The following FGFR4 variants were observed in gnomAD, a reference collection of about 807,000 sequenced individuals.
The protein encoded by FGFR4 is hydroxyaryl-protein kinase.
Under a neutral mutation model 89.9 loss-of-function variants are expected in FGFR4, and 63 were observed. The observed-to-expected ratio is 0.70, with a 90% CI of 0.57 to 0.86. The LOEUF (loss-of-function observed/expected upper bound fraction) is 0.86. FGFR4 is among the 40% of genes least tolerant of loss of function. The pLI is 0.00. For synonymous variants in FGFR4, 486 were observed against 479.4 expected (o/e 1.01, Z -0.18); for missense variants, 928 against 1,106.7 (o/e 0.84, Z 2.29).
intron 16 of FGFR4, 120 bp downstream of exon 16, chr5:177,096,861 TCC>T: frequency 9.2e-7 from 1 of 1,090,808 alleles, no homozygotes; most frequent in East Asian, 2.5e-5. Context: ...CTCGTCCTCC[TCC>T]TCCTCTTCCT....
Position 177,095,625 on chromosome 5 carries a change from G to T in FGFR4, c.1723G>T (p.Asp575Tyr). ...CCCCCCAGGCCCCGACCTCAGCCCC[G>T]ACGGTCCTCGGAGCAGTGAGGGGCC... ...RRPPGPDLSP[D>Y]GPRSSEGPLS... Residue 575 changes from aspartate (D) to tyrosine (Y), a missense_variant, in exon 13 of 18, where the codon GAC becomes TAC. By Grantham distance (160) the Asp-to-Tyr change is radical (BLOSUM62 -3). This residue lies in a region of FGFR4 where 741 missense variants were observed against 836.9 expected (regional missense o/e 0.89). Coordinates refer to ENST00000292408, the MANE Select transcript of FGFR4 (RefSeq NM_213647.3). This position sits in a 1 kb window ranked among gnomAD's most constrained non-coding sequence, Gnocchi z 5.7. The T allele has an allele frequency of 1.2e-6, 2 of 1,605,492 alleles. No individual in the cohort carries two copies. The highest frequency in any genetic ancestry group is 1.7e-6 in the Non-Finnish European group (2 of 1,177,228).
rs574060950 is a variant in FGFR4 at position 177,093,703 on chromosome 5, C to T, written c.1447C>T (p.Arg483Cys). ...LGEGCFGQVV[R>C]AEAFGMDPAR... ...CGAGGGCTGCTTTGGCCAGGTAGTACGTGCAGAGGCCTTTGGCATGGACCC... is the reference window on the plus strand; with the variant it reads ...CGAGGGCTGCTTTGGCCAGGTAGTATGTGCAGAGGCCTTTGGCATGGACCC... The change falls in exon 11 of 18, where the codon CGT becomes TGT. Residue 483 changes from arginine (R) to cysteine (C), a missense_variant. Physicochemically the swap from Arg to Cys is radical, Grantham distance 180. Around this residue, in one of 5 missense-constraint regions of FGFR4, gnomAD observed 741 missense variants for 836.9 expected, o/e 0.89. Coordinates refer to ENST00000292408, the MANE Select transcript of FGFR4 (RefSeq NM_213647.3). The surrounding 1 kb of genome is among the most constrained non-coding windows in gnomAD (Gnocchi z 5.8). The T allele has an allele frequency of 1.1e-5, 18 of 1,614,202 alleles. No homozygotes were observed. Among genetic ancestry groups the T allele is most frequent in the Middle Eastern group, 1.7e-4 (1 of 6,054 alleles).
chr5:177,097,371 A>G lies in FGFR4; in HGVS notation c.2233A>G (p.Lys745Glu), dbSNP rs753639933. 4 of 1,612,104 alleles carry G rather than the reference A, an allele frequency of 2.5e-6. No individual in the cohort carries two copies. Among genetic ancestry groups the G allele is most frequent in the Non-Finnish European group, 2.5e-6 (3 of 1,179,372 alleles). ...TFKQLVEALD[K>E]VLLAVSEEYL... ...CAAGCAGCTGGTGGAGGCGCTGGAC[A>G]AGGTCCTGCTGGCCGTCTCTGAGGA... Residue 745 changes from lysine to glutamate, a missense_variant, in exon 17 of 18, where the codon AAG becomes GAG. This residue lies in a region of FGFR4 where 129 missense variants were observed against 150.8 expected (regional missense o/e 0.86). Transcript: ENST00000292408.
intron 2 of FGFR4, 112 bp from the exon 3 acceptor site, chr5:177,090,278 C>T: frequency 6.6e-7 from 1 of 1,505,214 alleles, no homozygotes; most frequent in Non-Finnish European, 9.1e-7. Context: ...GTGGCTCCTT[C>T]AGCATGCGTT....
rs1438214172 is a variant in FGFR4, at chr5:177,089,442, ACACATC to A, written c.-53-107_-53-102del. 1.9e-5 allele frequency: 24 copies of A among 1,280,000 alleles called. No individual in the cohort carries two copies. In the African/African-American group the frequency reaches 3.5e-4, roughly 18 times the overall value. 79.3% of individuals were successfully genotyped at this position (1,280,000 alleles called of 1,614,324 possible). ...TGCCACAGCCTGGCCAGGGACTTGG[ACACATC>A]TGCTGGCCACTTCCTGTCTCAGTTT... On this transcript the variant is annotated intron_variant, in intron 1 of 17. Transcript: ENST00000292408.
In FGFR4 at chr5:177,097,527, T is replaced by C; in HGVS notation, c.2260T>C (p.Tyr754His). The C allele has an allele frequency of 6.2e-7, 1 of 1,612,610 alleles. No individual in the cohort carries two copies. Among genetic ancestry groups the C allele is most frequent in the Non-Finnish European group, 8.5e-7 (1 of 1,179,338 alleles). Reference sequence around the variant, plus strand: ...GGCTGACCAGCTCCGTTCCCCACAGTACCTCGACCTCCGCCTGACCTTCGG... The same window carrying C: ...GGCTGACCAGCTCCGTTCCCCACAGCACCTCGACCTCCGCCTGACCTTCGG... ...DKVLLAVSEE[Y>H]LDLRLTFGPY... The change falls in exon 18 of 18, where the codon TAC (tyrosine) becomes CAC (histidine). Residue 754 changes from tyrosine to histidine, a missense_variant and splice_region_variant. Transcript: ENST00000292408.
At chr5:177,088,819 C>T (rs1264743119) in intron 1 of FGFR4, among the ~76,000 whole-genome samples, 1 of 151,320 alleles carries the variant, frequency 6.6e-6, no homozygotes, top group Non-Finnish European at 1.5e-5. Flanking sequence ...ACTCTGCGTG[C>T]CGACGCACGT....
At position 177,090,564 on chromosome 5, in the gene FGFR4, C is replaced by T. The variant is rs1784329550; in HGVS notation, c.266C>T (p.Ala89Val). The change falls in exon 3 of 18, where the codon GCC becomes GTC. Residue 89 changes from alanine (A) to valine (V), a missense_variant. Coordinates refer to ENST00000292408, the MANE Select transcript of FGFR4 (RefSeq NM_213647.3). The stretch of plus-strand genomic sequence containing the variant: ...GGCTGGAGGGGCCGCCTAGAGATTG[C>T]CAGCTTCCTACCTGAGGATGCTGGC... The part of the protein sequence containing the change: ...VRGWRGRLEI[A>V]SFLPEDAGRY... 6.6e-7 allele frequency: 1 copy of T among 1,525,926 alleles called. No homozygotes were observed. Among genetic ancestry groups the T allele is most frequent in the Non-Finnish European group, 8.8e-7 (1 of 1,138,564 alleles). The allele number at this position is 1,525,926 out of a possible 1,614,324, so 94.5% of individuals were successfully genotyped here.
chr5:177,091,160 C>A (rs549359769), intron 5 of FGFR4, 56 bp downstream of exon 5: 64 of 1,478,554 alleles, frequency 4.3e-5, no homozygotes, highest in Non-Finnish European at 5.7e-5. Flanking sequence ...CTTCATCAGT[C>A]CCCTCATACC....
chr5:177,090,333 A>G (rs1279609354), intron 2 of FGFR4, 57 bp from the exon 3 acceptor site: 1 of 1,598,756 alleles, frequency 6.3e-7, no homozygotes, highest in Admixed American at 1.7e-5. Flanking sequence ...CTTTGTACAC[A>G]GGAGGCTGCC....
At chr5:177,097,001 TTCCTCCTCCTCCTCTTCC>T (rs1784610351) in intron 16 of FGFR4, among the ~76,000 whole-genome samples, 2 of 27,002 alleles carry the variant, frequency 7.4e-5, no homozygotes, top group African/African-American at 4.4e-4. Flanking sequence ...CCTCCTCCTC[TTCCTCCTCCTCCTCTTCC>T]TCCTCCTCCT....
Position 177,095,946 on chromosome 5 carries a change from C to G in FGFR4, c.1822-111C>G. 6.9e-7 allele frequency: 1 copy of G among 1,444,608 alleles called. No homozygotes were observed. The highest frequency in any genetic ancestry group is 9.2e-7 in the Non-Finnish European group (1 of 1,085,050). 89.5% of individuals were successfully genotyped at this position (1,444,608 alleles called of 1,614,324 possible). A position where few individuals can be genotyped will look rare whatever the true frequency, so the allele number is the denominator to read the frequency against. ...ACTCCCCGTTTCTAAACCTTGACCT[C>G]CTCCTCTGTAAAGTGGGTGGAGGGC... On this transcript the variant is annotated intron_variant, in intron 13 of 17. Coordinates refer to ENST00000292408, the MANE Select transcript of FGFR4 (RefSeq NM_213647.3). The surrounding 1 kb of genome is among the most constrained non-coding windows in gnomAD (Gnocchi z 5.7).
rs761810789 is a variant in FGFR4 at position 177,097,665 on chromosome 5, G to T, written c.2398G>T (p.Val800Leu). 9.3e-6 allele frequency: 15 copies of T among 1,613,810 alleles called. No individual in the cohort carries two copies. Among genetic ancestry groups the T allele is most frequent in the Admixed American group, 1.7e-5 (1 of 59,988 alleles). Residue 800 changes from valine to leucine, a missense_variant, in exon 18 of 18, where the codon GTG (valine) becomes TTG (leucine). Val to Leu is a conservative substitution (Grantham distance 32). Around this residue, in one of 5 missense-constraint regions of FGFR4, gnomAD observed 129 missense variants for 150.8 expected, o/e 0.86. Transcript: ENST00000292408. The part of the protein sequence containing the change: ...GSSSFPFGSG[V>L]QT The stretch of plus-strand genomic sequence containing the variant: ...CAGCTCCTTCCCCTTCGGGTCTGGG[G>T]TGCAGACATGAGCAAGGCTCAAGGC...
Position 177,095,001 on chromosome 5 carries a change from C to A in FGFR4, c.1520-329C>A. On this transcript the variant is annotated intron_variant, in intron 11 of 17. Coordinates refer to ENST00000292408, the MANE Select transcript of FGFR4 (RefSeq NM_213647.3). This position sits in a 1 kb window ranked among gnomAD's most constrained non-coding sequence, Gnocchi z 5.7. The stretch of plus-strand genomic sequence containing the variant: ...CTACCGCTGACCCCTCCAGCGGCAG[C>A]TTCCTTCCTTCCTTCCTGCTCCGAG... The A allele has an allele frequency of 3.7e-6, 1 of 273,374 alleles. No individual in the cohort carries two copies. Among genetic ancestry groups the A allele is most frequent in the Non-Finnish European group, 7.2e-6 (1 of 138,180 alleles). 16.9% of individuals were successfully genotyped at this position (273,374 alleles called of 1,614,324 possible). A position where few individuals can be genotyped will look rare whatever the true frequency, so the allele number is the denominator to read the frequency against.
chr5:177,097,355 G>C lies in FGFR4; in HGVS notation c.2217G>C (p.Leu739=). The C allele has an allele frequency of 6.2e-7, 1 of 1,612,246 alleles. No individual in the cohort carries two copies. Among genetic ancestry groups the C allele is most frequent in the Non-Finnish European group, 8.5e-7 (1 of 1,179,452 alleles). Residue 739 remains leucine (L), a synonymous_variant, in exon 17 of 18, where the codon CTG becomes CTC. Coordinates refer to ENST00000292408, the MANE Select transcript of FGFR4 (RefSeq NM_213647.3). Reference sequence around the variant, plus strand: ...CCCAGAGGCCTACCTTCAAGCAGCTGGTGGAGGCGCTGGACAAGGTCCTGC... The same window carrying C: ...CCCAGAGGCCTACCTTCAAGCAGCTCGTGGAGGCGCTGGACAAGGTCCTGC... ...APSQRPTFKQ[L]VEALDKVLLA...
intron 2 of FGFR4, chr5:177,090,111 TGTCC>T (rs1484541116): frequency 2.4e-5 from 16 of 664,140 alleles, no homozygotes; most frequent in Admixed American, 1.3e-4. Flanking sequence ...TGTGTGTGTG[TGTCC>T]GTATGTGTGT....
chr5:177,096,019 C>T (rs1418228278), intron 13 of FGFR4, 38 bp from the exon 14 acceptor site: 1 of 1,600,808 alleles, frequency 6.2e-7, no homozygotes, highest in African/African-American at 1.3e-5. Context: ...AACTCCAGGC[C>T]AGGTGTCCTG....
chr5:177,097,324 C>A lies in FGFR4; in HGVS notation c.2186C>A (p.Ala729Glu). The A allele has an allele frequency of 6.2e-7, 1 of 1,610,038 alleles. No homozygotes were observed. ...CTGATGCGTGAGTGCTGGCACGCAG[C>A]GCCCTCCCAGAGGCCTACCTTCAAG... ...YGLMRECWHA[A>E]PSQRPTFKQL... Residue 729 changes from alanine to glutamate, a missense_variant, in exon 17 of 18, where the codon GCG (alanine) becomes GAG (glutamate). Coordinates refer to ENST00000292408, the MANE Select transcript of FGFR4 (RefSeq NM_213647.3).
In FGFR4 at chr5:177,090,649, A is replaced by C. The variant is rs926007365; in HGVS notation, c.351A>C (p.Thr117=). Residue 117 remains threonine, a synonymous_variant, in exon 3 of 18, where the codon ACA becomes ACC. Transcript: ENST00000292408. ...MIVLQNLTLI[T]GDSLTSSNDD... is the part of the protein sequence containing the mutation. Reference sequence around the variant, plus strand: ...TCCTGCAGAATCTCACCTTGATTACAGGTGGTAAGAGACTCTAGCAGGGAG... The same window carrying C: ...TCCTGCAGAATCTCACCTTGATTACCGGTGGTAAGAGACTCTAGCAGGGAG... The C allele has an allele frequency of 1.3e-6, 2 of 1,522,740 alleles. No homozygotes were observed. The highest frequency in any genetic ancestry group is 4.5e-5 in the East Asian group (2 of 44,140). 94.3% of individuals were successfully genotyped at this position (1,522,740 alleles called of 1,614,324 possible).
Sources: allele counts gnomAD v4.1 joint callset (sites outside exome capture counted in the v4.1 genomes callset), GRCh38; gene constraint gnomAD v4.1.1; regional missense constraint gnomAD v4.1.1; non-coding constraint Gnocchi (gnomAD v3.1); transcripts MANE v1.5; gene names NCBI Gene and HGNC (gene_info 2026-07-23, HGNC 2026-07-21).